The following MAP3K4 variants were observed in gnomAD, a reference collection of about 807,000 sequenced individuals.
MAP3K4 encodes MAP three kinase 1.
In MAP3K4, 67 loss-of-function variants were observed where a neutral mutation model predicts 185.6. That is an observed-to-expected ratio of 0.36 (90% CI 0.30 to 0.44). The LOEUF (loss-of-function observed/expected upper bound fraction) is 0.44. MAP3K4 is among the 20% of genes least tolerant of loss of function. MAP3K4 has a pLI of 1.00. For missense variants in MAP3K4, 1,551 were observed against 1,995.1 expected, an observed-to-expected ratio of 0.78 and a Z score of 4.24; for synonymous variants, 702 against 710.4, an observed-to-expected ratio of 0.99 and a Z score of 0.19.
rs3798914 is a variant in MAP3K4 at position 161,071,211 on chromosome 6, T to A, written c.1950+361T>A. Among the ~76,000 whole-genome samples, 364 of 152,282 alleles carry A rather than the reference T, an allele frequency of 2.4e-3. 6 individuals are homozygous for A. The East Asian group carries it at 0.055, about 23-fold the overall frequency. The stretch of plus-strand genomic sequence containing the variant: ...CATGTAAACAGATAAATGTCTAGAA[T>A]AGGCATGGGGAGGGGTTTGGACTTT... On this transcript the variant is annotated intron_variant, in intron 4 of 26. Transcript: ENST00000392142. This position sits in a 1 kb window ranked among gnomAD's most constrained non-coding sequence, Gnocchi z 4.6.
rs1186714138 is a variant in MAP3K4 at position 161,100,786 on chromosome 6, C to A, written c.3675-1106C>A. ...GTGACTTCTTGGTCTCACCAGTGGT[C>A]TTTGTTGCTGCTTAGGAGTGGAGTA... On this transcript the variant is annotated intron_variant, in intron 17 of 26. Transcript: ENST00000392142. The surrounding 1 kb of genome is among the most constrained non-coding windows in gnomAD (Gnocchi z 5.8). Among the ~76,000 whole-genome samples the A allele has an allele frequency of 6.6e-6, 1 of 152,156 alleles. No homozygotes were observed. Among genetic ancestry groups the A allele is most frequent in the East Asian group, 1.9e-4 (1 of 5,200 alleles).
chr6:161,066,245 A>G (rs538909260), intron 3 of MAP3K4, among the ~76,000 whole-genome samples: 1 of 152,218 alleles, frequency 6.6e-6, no homozygotes, highest in East Asian at 1.9e-4. Context: ...GATCATCCCT[A>G]TTCAGAGGCT....
chr6:161,081,933 G>A (rs540781551), intron 6 of MAP3K4, among the ~76,000 whole-genome samples: 1 of 152,256 alleles, frequency 6.6e-6, no homozygotes, highest in South Asian at 2.1e-4. Flanking sequence ...TTTGTCTCTT[G>A]TATTAGAGCA....
chr6:161,109,140 T>C lies in MAP3K4; in HGVS notation c.4236+281T>C. 1 of 764,324 alleles carries C rather than the reference T, an allele frequency of 1.3e-6. No homozygotes were observed. Among genetic ancestry groups the C allele is most frequent in the Non-Finnish European group, 2.1e-6 (1 of 482,142 alleles). 47.3% of individuals were successfully genotyped at this position (764,324 alleles called of 1,614,324 possible). On this transcript the variant is annotated intron_variant, in intron 22 of 26. Coordinates refer to ENST00000392142, the MANE Select transcript of MAP3K4 (RefSeq NM_005922.4). The surrounding 1 kb of genome is among the most constrained non-coding windows in gnomAD (Gnocchi z 5.7). Reference sequence around the variant, plus strand: ...TCTAAAACGCCCCTTACACCACTTCTTGTGACTTTTTTTCCGTTTTTTTGC... The same window carrying C: ...TCTAAAACGCCCCTTACACCACTTCCTGTGACTTTTTTTCCGTTTTTTTGC...
intron 1 of MAP3K4, among the ~76,000 whole-genome samples, chr6:160,999,266 C>G (rs1332565155): frequency 1.3e-5 from 2 of 152,166 alleles, no homozygotes; most frequent in Non-Finnish European, 2.9e-5. Context: ...TTAGAGTTGT[C>G]AAATTAATAG....
intron 15 of MAP3K4, 150 bp downstream of exon 15, chr6:161,094,001 G>T (rs889508847): frequency 3.4e-6 from 2 of 592,684 alleles, no homozygotes; most frequent in Admixed American, 6.7e-5. Flanking sequence ...GAGGTGTGTA[G>T]ATAGAGAACT....
chr6:161,066,263 CT>C (rs964299395), intron 3 of MAP3K4, among the ~76,000 whole-genome samples: 2 of 152,118 alleles, frequency 1.3e-5, no homozygotes, highest in Admixed American at 1.3e-4. Flanking sequence ...GCTGCTGCTG[CT>C]TTACATCTTA....
At chr6:160,999,545 G>A (rs1471227617) in intron 1 of MAP3K4, among the ~76,000 whole-genome samples, 1 of 152,138 alleles carries the variant, frequency 6.6e-6, no homozygotes, top group African/African-American at 2.4e-5. Flanking sequence ...ATTGCTTATA[G>A]AATTACAAGA....
chr6:161,048,362 C>A lies in MAP3K4; in HGVS notation c.344-254C>A. 1 of 644,682 alleles carries A rather than the reference C, an allele frequency of 1.6e-6. No individual in the cohort carries two copies. 39.9% of individuals were successfully genotyped at this position (644,682 alleles called of 1,614,324 possible). On this transcript the variant is annotated intron_variant, in intron 2 of 26. Coordinates refer to ENST00000392142, the MANE Select transcript of MAP3K4 (RefSeq NM_005922.4). This position sits in a 1 kb window ranked among gnomAD's most constrained non-coding sequence, Gnocchi z 4.7. ...TTGTAGCATAGAGAGAAATAAACAG[C>A]TAGTTTAGGTAATTAGTTGTGAATA...
chr6:161,050,049 G>T, intron 3 of MAP3K4, 70 bp downstream of exon 3: 1 of 1,408,610 alleles, frequency 7.1e-7, no homozygotes, highest in South Asian at 1.4e-5. Context: ...TTATAATGTT[G>T]GTGTTATGTA....
At chr6:161,036,788 C>G (rs1783185311) in intron 2 of MAP3K4, among the ~76,000 whole-genome samples, 1 of 152,230 alleles carries the variant, frequency 6.6e-6, no homozygotes, top group Non-Finnish European at 1.5e-5. Flanking sequence ...CCCTAATCTA[C>G]ATGCTCCAGA....
In MAP3K4 at chr6:161,071,065, C is replaced by T. The variant is rs1381442585; in HGVS notation, c.1950+215C>T. 6.6e-6 allele frequency among the ~76,000 whole-genome samples: 1 copy of T among 152,086 alleles called. No homozygotes were observed. Among genetic ancestry groups the T allele is most frequent in the Non-Finnish European group, 1.5e-5 (1 of 68,020 alleles). On this transcript the variant is annotated intron_variant, in intron 4 of 26. Coordinates refer to ENST00000392142, the MANE Select transcript of MAP3K4 (RefSeq NM_005922.4). This position sits in a 1 kb window ranked among gnomAD's most constrained non-coding sequence, Gnocchi z 4.6. ...TAAGATTGTGGTTCATCCTTTCTGT[C>T]ATCCACTTCCTTGTTCTAAGTATTT...
Position 161,071,780 on chromosome 6 carries a change from C to T in MAP3K4, c.1950+930C>T, listed in dbSNP as rs773136626. The stretch of plus-strand genomic sequence containing the variant: ...TTCCATGTTAGCTCCCCTTCCTTCT[C>T]ACCCTCTTGTTTCTGGTTATTGTCG... On this transcript the variant is annotated intron_variant, in intron 4 of 26. Coordinates refer to ENST00000392142, the MANE Select transcript of MAP3K4 (RefSeq NM_005922.4). This position sits in a 1 kb window ranked among gnomAD's most constrained non-coding sequence, Gnocchi z 4.6. Among the ~76,000 whole-genome samples, 1 of 152,240 alleles carries T rather than the reference C, an allele frequency of 6.6e-6. No homozygotes were observed. Among genetic ancestry groups the T allele is most frequent in the Non-Finnish European group, 1.5e-5 (1 of 68,044 alleles).
chr6:161,111,536 T>A (rs1196765159), intron 23 of MAP3K4, among the ~76,000 whole-genome samples: 2 of 152,252 alleles, frequency 1.3e-5, no homozygotes, highest in Non-Finnish European at 2.9e-5. Flanking sequence ...ACTTGTGTTT[T>A]GTATGCAGTT....
intron 2 of MAP3K4, among the ~76,000 whole-genome samples, chr6:161,044,015 A>G (rs751499603): frequency 4.6e-5 from 7 of 152,212 alleles, no homozygotes; most frequent in Non-Finnish European, 1.0e-4. Flanking sequence ...TTTGTCTTAT[A>G]TCCGTCAGAT....
intron 2 of MAP3K4, among the ~76,000 whole-genome samples, chr6:161,039,269 C>A (rs536587701): frequency 8.9e-6 from 1 of 112,338 alleles, no homozygotes; most frequent in Non-Finnish European, 1.7e-5. Flanking sequence ...GCCCCGAACC[C>A]GCAAAAATGC....
chr6:161,086,507 C>A lies in MAP3K4; in HGVS notation c.2472+29C>A, dbSNP rs1201979167. ...AGCTTGCAATCCTGATTAATTAGTA[C>A]CTTTTTTCTTGTTTTTCTTTTATCT... On this transcript the variant is annotated intron_variant, in intron 8 of 26. Transcript: ENST00000392142. The surrounding 1 kb of genome is among the most constrained non-coding windows in gnomAD (Gnocchi z 4.8). 1.2e-6 allele frequency: 2 copies of A among 1,601,376 alleles called. No individual in the cohort carries two copies. The highest frequency in any genetic ancestry group is 1.1e-5 in the South Asian group (1 of 89,680).
chr6:161,080,824 G>A lies in MAP3K4; in HGVS notation c.2098-57G>A. ...GCTGATGTGTAGCTTTCAGGTGAGA[G>A]CGCTGAGTTGCCAAGTTCTACTTTC... On this transcript the variant is annotated intron_variant, in intron 5 of 26. Coordinates refer to ENST00000392142, the MANE Select transcript of MAP3K4 (RefSeq NM_005922.4). This position sits in a 1 kb window ranked among gnomAD's most constrained non-coding sequence, Gnocchi z 4.8. 6.6e-7 allele frequency: 1 copy of A among 1,518,052 alleles called. No individual in the cohort carries two copies. The highest frequency in any genetic ancestry group is 2.3e-5 in the East Asian group (1 of 43,316). 94.0% of individuals were successfully genotyped at this position (1,518,052 alleles called of 1,614,324 possible).
rs770856344 is a variant in MAP3K4 at position 161,074,492 on chromosome 6, T to C, written c.2097+880T>C. On this transcript the variant is annotated intron_variant, in intron 5 of 26. Transcript: ENST00000392142. This position sits in a 1 kb window ranked among gnomAD's most constrained non-coding sequence, Gnocchi z 5.0. ...CTTTTAGTCTGTGTTTATACCTTCTTTGAACTCTTTTTAGCAGTTACAGTT... is the reference window on the plus strand; with the variant it reads ...CTTTTAGTCTGTGTTTATACCTTCTCTGAACTCTTTTTAGCAGTTACAGTT... Among the ~76,000 whole-genome samples the C allele has an allele frequency of 2.0e-5, 3 of 152,238 alleles. No homozygotes were observed. The highest frequency in any genetic ancestry group is 2.0e-4 in the Admixed American group (3 of 15,280).
Sources: allele counts gnomAD v4.1 joint callset (sites outside exome capture counted in the v4.1 genomes callset), GRCh38; gene constraint gnomAD v4.1.1; non-coding constraint Gnocchi (gnomAD v3.1); transcripts MANE v1.5; gene names NCBI Gene and HGNC (gene_info 2026-07-23, HGNC 2026-07-21).